Variants in GREB1L observed in about 807,000 individuals in gnomAD.
GREB1L encodes GREB1-like protein.
GREB1L carries 17 observed loss-of-function variants against 200.8 expected under a neutral mutation model. That is an observed-to-expected ratio of 0.08 (90% CI 0.06 to 0.13). GREB1L has a LOEUF of 0.13. Ranked by LOEUF, GREB1L falls within the 10% of genes least tolerant of loss-of-function variation. The pLI is 1.00. For missense variants in GREB1L, 1,657 were observed against 2,367.7 expected (o/e 0.70, Z 6.23); for synonymous variants, 789 against 893.0 (o/e 0.88, Z 2.08).
intron 21 of GREB1L, 147 bp downstream of exon 21, chr18:21,496,845 G>C: frequency 2.4e-6 from 2 of 823,194 alleles, no homozygotes; most frequent in Non-Finnish European, 3.7e-6. Flanking sequence ...CCAGCTCCAG[G>C]TGGGAGATGC....
intron 11 of GREB1L, among the ~76,000 whole-genome samples, chr18:21,447,643 T>C (rs916900452): frequency 3.9e-5 from 6 of 152,164 alleles, no homozygotes; most frequent in Admixed American, 1.3e-4. Flanking sequence ...CGGTAGGGAA[T>C]TGGAGACAGC....
chr18:21,441,614 T>G (rs1024532439), intron 10 of GREB1L, 77 bp downstream of exon 10: 1 of 1,317,966 alleles, frequency 7.6e-7, no homozygotes, highest in Non-Finnish European at 1.0e-6. Context: ...TGTTTTTTCA[T>G]GTATTCATGA....
chr18:21,519,823 T>A (rs938625153), intron 31 of GREB1L, among the ~76,000 whole-genome samples: 1 of 152,198 alleles, frequency 6.6e-6, no homozygotes, highest in Non-Finnish European at 1.5e-5. Flanking sequence ...CATTCCACTG[T>A]TTTAACTCCC....
intron 1 of GREB1L, among the ~76,000 whole-genome samples, chr18:21,274,933 T>C (rs1308396932): frequency 1.3e-5 from 2 of 151,184 alleles, no homozygotes; most frequent in African/African-American, 4.9e-5. Context: ...AATACCACAC[T>C]TGTAATAACA....
chr18:21,400,593 T>A (rs957084604), intron 5 of GREB1L, among the ~76,000 whole-genome samples: 3 of 152,198 alleles, frequency 2.0e-5, no homozygotes, highest in Non-Finnish European at 4.4e-5. Context: ...ATTCCAATTC[T>A]CTAAAACCTT....
At chr18:21,359,678 A>C (rs1379698037) in intron 1 of GREB1L, among the ~76,000 whole-genome samples, 2 of 152,210 alleles carry the variant, frequency 1.3e-5, no homozygotes, top group African/African-American at 4.8e-5. Context: ...CCAGACAGGA[A>C]CTGCTTCTTC....
chr18:21,447,270 CAGAGACCCTGTCTCTAATT>C, intron 11 of GREB1L, among the ~76,000 whole-genome samples: 1 of 151,912 alleles, frequency 6.6e-6, no homozygotes, highest in East Asian at 1.9e-4. Flanking sequence ...GGCAGACAGA[CAGAGACCCTGTCTCTAATT>C]AAAAAAATTT....
chr18:21,484,741 T>C (rs2036061486), intron 17 of GREB1L, among the ~76,000 whole-genome samples: 1 of 152,032 alleles, frequency 6.6e-6, no homozygotes, highest in Non-Finnish European at 1.5e-5. Context: ...GAGAATCGCT[T>C]GAAACCGGGA....
intron 14 of GREB1L, among the ~76,000 whole-genome samples, chr18:21,452,920 A>G (rs1301133814): frequency 6.6e-6 from 1 of 152,342 alleles, no homozygotes; most frequent in Non-Finnish European, 1.5e-5. Context: ...TCATTTATAT[A>G]TTAGGATTGT....
In GREB1L at chr18:21,403,683, A is replaced by G. The variant is rs575240440; in HGVS notation, c.710-189A>G. On this transcript the variant is annotated intron_variant, in intron 6 of 32. Transcript: ENST00000424526. ...TTTGAAACCATTTCTTTGTCTTCCA[A>G]ACAAAAGCATTGTGTTCACTAGTTG... Among the ~76,000 whole-genome samples, 16 of 152,370 alleles carry G rather than the reference A, an allele frequency of 1.1e-4. No individual in the cohort carries two copies. In the South Asian group the frequency reaches 2.9e-3, roughly 28 times the overall value.
chr18:21,353,462 ATAAT>A (rs2039463745), intron 1 of GREB1L, among the ~76,000 whole-genome samples: 1 of 152,066 alleles, frequency 6.6e-6, no homozygotes, highest in South Asian at 2.1e-4. Context: ...TATTATATAT[ATAAT>A]AGACATTAGC....
At chr18:21,246,023 A>G (rs1304479984) in intron 1 of GREB1L, among the ~76,000 whole-genome samples, 1 of 152,128 alleles carries the variant, frequency 6.6e-6, no homozygotes, top group African/African-American at 2.4e-5. Context: ...TGCCTGGCCT[A>G]TAATGCCTAT....
At chr18:21,367,433 C>A (rs1381280769) in intron 2 of GREB1L, among the ~76,000 whole-genome samples, 1 of 152,076 alleles carries the variant, frequency 6.6e-6, no homozygotes, top group East Asian at 1.9e-4. Context: ...TCACCTTTTT[C>A]TTTCCTTGGA....
chr18:21,423,752 C>T (rs1341161264), intron 7 of GREB1L, among the ~76,000 whole-genome samples: 1 of 152,090 alleles, frequency 6.6e-6, no homozygotes, highest in African/African-American at 2.4e-5. Flanking sequence ...GTCCTACCTA[C>T]ATGGGAGGCT....
chr18:21,281,661 G>A (rs1227544148), intron 1 of GREB1L, among the ~76,000 whole-genome samples: 1 of 152,118 alleles, frequency 6.6e-6, no homozygotes, highest in Non-Finnish European at 1.5e-5. Flanking sequence ...TGACTTTTCT[G>A]TATGAATACA....
chr18:21,496,646 C>T lies in GREB1L; in HGVS notation c.3339C>T (p.Leu1113=), dbSNP rs1334722873. Residue 1113 remains leucine, a synonymous_variant, in exon 21 of 33, where the codon CTC becomes CTT. Coordinates refer to ENST00000424526, the MANE Select transcript of GREB1L (RefSeq NM_001142966.3). ...AVSENDSDEL[L]IDLERPQSNS... is the part of the protein sequence containing the mutation. ...GTGAGAATGACTCCGATGAGCTGCT[C>T]ATCGACCTGGAGCGGCCCCAGAGCA... The T allele has an allele frequency of 1.3e-6, 2 of 1,551,554 alleles. No homozygotes were observed. The highest frequency in any genetic ancestry group is 1.7e-6 in the Non-Finnish European group (2 of 1,146,998).
intron 30 of GREB1L, among the ~76,000 whole-genome samples, chr18:21,517,203 A>G (rs2037450787): frequency 2.0e-5 from 3 of 152,074 alleles, no homozygotes; most frequent in Non-Finnish European, 4.4e-5. Flanking sequence ...CAAATTTTCA[A>G]TCTCATTTCT....
rs574822396 is a variant in GREB1L at position 21,457,064 on chromosome 18, T to G, written c.2182+2501T>G. On this transcript the variant is annotated intron_variant, in intron 15 of 32. Transcript: ENST00000424526. ...TGACGAAATCATCTGCAGAGCCTTT[T>G]CCTGAAATAACCTCTCAGTGACCTG... 5.3e-5 allele frequency among the ~76,000 whole-genome samples: 8 copies of G among 152,344 alleles called. 2 individuals are homozygous for G. The highest frequency in any genetic ancestry group is 5.2e-4 in the Admixed American group (8 of 15,300).
At chr18:21,430,807 G>A (rs1268268508) in intron 7 of GREB1L, among the ~76,000 whole-genome samples, 2 of 150,478 alleles carry the variant, frequency 1.3e-5, no homozygotes, top group African/African-American at 4.9e-5. Context: ...TGTTGGTCAG[G>A]CTGGTCTCAA....
Sources: allele counts gnomAD v4.1 joint callset (sites outside exome capture counted in the v4.1 genomes callset), GRCh38; gene constraint gnomAD v4.1.1; transcripts MANE v1.5; gene names NCBI Gene and HGNC (gene_info 2026-07-23, HGNC 2026-07-21).